The following FGF12 variants were observed in gnomAD, a reference collection of about 807,000 sequenced individuals.
The protein encoded by FGF12 is fibroblast growth factor 12.
FGF12 carries 14 observed loss-of-function variants against 23.6 expected under a neutral mutation model. The observed-to-expected ratio is 0.59, with a 90% confidence interval of 0.39 to 0.93. The LOEUF is 0.93. FGF12 is among the 40% of genes least tolerant of loss of function. The pLI is 0.00. For synonymous variants in FGF12, 62 were observed against 77.3 expected, an observed-to-expected ratio of 0.80 and a Z score of 1.04; for missense variants, 175 against 217.8, an observed-to-expected ratio of 0.80 and a Z score of 1.24.
chr3:192,554,759 A>G (rs1349291985), intron 2 of FGF12, among the ~76,000 whole-genome samples: 1 of 151,112 alleles, frequency 6.6e-6, no homozygotes, highest in African/African-American at 2.4e-5. Context: ...TAGATTTTAA[A>G]TTGCTACTAT....
chr3:192,516,287 G>A (rs1724664862), intron 2 of FGF12, among the ~76,000 whole-genome samples: 1 of 152,146 alleles, frequency 6.6e-6, no homozygotes, highest in Non-Finnish European at 1.5e-5. Flanking sequence ...TAATCCAGGT[G>A]ACAGTGAACT....
intron 4 of FGF12, among the ~76,000 whole-genome samples, chr3:192,317,859 C>T (rs1192506598): frequency 1.3e-5 from 2 of 152,146 alleles, no homozygotes; most frequent in Non-Finnish European, 2.9e-5. Flanking sequence ...CATCTACCTC[C>T]AGCTCCAGGC....
At chr3:192,472,262 C>G (rs1026943534) in intron 2 of FGF12, among the ~76,000 whole-genome samples, 1 of 152,084 alleles carries the variant, frequency 6.6e-6, no homozygotes, top group African/African-American at 2.4e-5. Flanking sequence ...GGGATCTGCC[C>G]GCCGCGGCCT....
intron 2 of FGF12, among the ~76,000 whole-genome samples, chr3:192,480,861 A>G (rs1371787195): frequency 1.3e-5 from 2 of 152,150 alleles, no homozygotes; most frequent in Non-Finnish European, 2.9e-5. Context: ...TGTGACATTC[A>G]CCCATTACTA....
At chr3:192,252,298 T>TA (rs1356320845) in intron 4 of FGF12, among the ~76,000 whole-genome samples, 2 of 150,404 alleles carry the variant, frequency 1.3e-5, no homozygotes, top group East Asian at 3.9e-4. Context: ...CTGTCTCTAC[T>TA]AAAAAATACA....
intron 4 of FGF12, among the ~76,000 whole-genome samples, chr3:192,310,224 A>T (rs1345265772): frequency 1.3e-5 from 2 of 152,224 alleles, no homozygotes; most frequent in Non-Finnish European, 2.9e-5. Flanking sequence ...ATTATGTCTA[A>T]CGATGAAGAA....
intron 4 of FGF12, among the ~76,000 whole-genome samples, chr3:192,210,472 G>A (rs978706745): frequency 7.2e-5 from 11 of 152,194 alleles, no homozygotes; most frequent in African/African-American, 2.4e-4. Context: ...GGTAATATAT[G>A]GGGCTTTGGC....
intron 2 of FGF12, among the ~76,000 whole-genome samples, chr3:192,598,441 G>C (rs1713958643): frequency 1.3e-5 from 2 of 152,140 alleles, no homozygotes; most frequent in Admixed American, 6.6e-5. Flanking sequence ...AGTGTGATAA[G>C]CATGAGTAAC....
At chr3:192,245,741 A>C (rs1711532517) in intron 4 of FGF12, among the ~76,000 whole-genome samples, 1 of 152,178 alleles carries the variant, frequency 6.6e-6, no homozygotes, top group African/African-American at 2.4e-5. Context: ...CACAAATCAT[A>C]AGAATGGCAA....
At chr3:192,388,428 T>C (rs1720145771) in intron 2 of FGF12, among the ~76,000 whole-genome samples, 1 of 152,220 alleles carries the variant, frequency 6.6e-6, no homozygotes, top group South Asian at 2.1e-4. Flanking sequence ...TCTGAAGTTA[T>C]AGAGGTTGAC....
rs182179766 is a variant in FGF12, at chr3:192,159,251, C to T, written c.427+11207G>A. On this transcript the variant is annotated intron_variant, in intron 5 of 5. Transcript: ENST00000445105. ...ATCACTCATGTCAAGTCACTACTGA[C>T]CACGAGTTACAAAAGCAAAGATCAA... is the stretch of plus-strand genomic sequence containing the variant. Among the ~76,000 whole-genome samples, 313 of 152,292 alleles carry T rather than the reference C, an allele frequency of 2.1e-3. 5 individuals carry two copies. Among genetic ancestry groups the T allele is most frequent in the Non-Finnish European group, 1.6e-4 (11 of 68,018 alleles).
chr3:192,471,836 T>A (rs1207447430), intron 2 of FGF12, among the ~76,000 whole-genome samples: 1 of 152,192 alleles, frequency 6.6e-6, no homozygotes, highest in Admixed American at 6.5e-5. Context: ...ATACAGTGTG[T>A]TCAAGGATAC....
At chr3:192,231,140 G>A (rs1270957421) in intron 4 of FGF12, among the ~76,000 whole-genome samples, 1 of 152,028 alleles carries the variant, frequency 6.6e-6, no homozygotes, top group African/African-American at 2.4e-5. Flanking sequence ...CTCTGGCCTT[G>A]GAAATATCTC....
At chr3:192,713,621 T>C (rs141722924) in intron 2 of FGF12, among the ~76,000 whole-genome samples, 1,542 of 152,276 alleles carry the variant, frequency 0.01, 13 homozygotes, top group Non-Finnish European at 0.016. Flanking sequence ...CTGGGGTCAG[T>C]TGAGATTAAA....
intron 2 of FGF12, among the ~76,000 whole-genome samples, chr3:192,560,109 G>A (rs370137597): frequency 4.6e-5 from 7 of 151,726 alleles, no homozygotes; most frequent in African/African-American, 1.2e-4. Context: ...ATTTTGAAAC[G>A]AAACAGCACA....
At chr3:192,684,152 C>A (rs1717646139) in intron 2 of FGF12, among the ~76,000 whole-genome samples, 1 of 152,142 alleles carries the variant, frequency 6.6e-6, no homozygotes, top group Non-Finnish European at 1.5e-5. Context: ...CATTAACCTG[C>A]ATGGTTCAAC....
At chr3:192,712,811 A>C (rs1169614201) in intron 2 of FGF12, among the ~76,000 whole-genome samples, 2 of 152,068 alleles carry the variant, frequency 1.3e-5, no homozygotes, top group African/African-American at 2.4e-5. Flanking sequence ...GCAGGAGAAC[A>C]AGAGATCCAA....
At chr3:192,394,244 T>C (rs1397098386) in intron 2 of FGF12, among the ~76,000 whole-genome samples, 2 of 152,328 alleles carry the variant, frequency 1.3e-5, no homozygotes, top group South Asian at 2.1e-4. Flanking sequence ...AGGTCCAAAC[T>C]TATGTAATGG....
At chr3:192,222,194 A>G (rs897359870) in intron 4 of FGF12, among the ~76,000 whole-genome samples, 1 of 152,148 alleles carries the variant, frequency 6.6e-6, no homozygotes, top group African/African-American at 2.4e-5. Context: ...CTTAGTGCTG[A>G]GTAGGTGAAA....
Sources: gnomAD v4.1 joint callset for allele counts (sites outside exome capture counted in the v4.1 genomes callset) on GRCh38, gnomAD v4.1.1 for gene constraint, MANE v1.5 for transcripts, NCBI Gene and HGNC (gene_info 2026-07-23, HGNC 2026-07-21) for gene names.